Variants in COTL1 observed in about 807,000 individuals in gnomAD.
COTL1 encodes coactosin like F-actin binding protein 1, also known as coactosin-like protein.
A neutral mutation model predicts 16.5 loss-of-function variants in COTL1; 15 were observed. The ratio of observed to expected loss-of-function variants is 0.91; its 90% CI spans 0.61 to 1.40. COTL1 has a LOEUF of 1.40. Among genes scored for constraint, COTL1 ranks in the 40% most tolerant of loss-of-function variants. COTL1 has a pLI of 0.00. For missense variants in COTL1, 220 were observed against 201.5 expected, an observed-to-expected ratio of 1.09 and a Z score of -0.56; for synonymous variants, 112 against 85.3, an observed-to-expected ratio of 1.31 and a Z score of -1.73.
chr16:84,617,434 C>A, intron 2 of COTL1, 67 bp downstream of exon 2: 1 of 1,460,768 alleles, frequency 6.8e-7, no homozygotes, highest in Non-Finnish European at 9.4e-7. Flanking sequence ...TCGCTCTGGC[C>A]GGGGCTCCCC....
At chr16:84,573,977 G>C (rs1398436292) in intron 3 of COTL1, among the ~76,000 whole-genome samples, 1 of 152,004 alleles carries the variant, frequency 6.6e-6, no homozygotes, top group Non-Finnish European at 1.5e-5. Flanking sequence ...GGGAACAGTG[G>C]GACCCTTTCT....
At position 84,617,925 on chromosome 16, in the gene COTL1, C is replaced by A. The variant is rs1384731443; in HGVS notation, c.-11G>T. The A allele has an allele frequency of 3.9e-6, 6 of 1,549,036 alleles. No individual in the cohort carries two copies. The highest frequency in any genetic ancestry group is 1.4e-5 in the African/African-American group (1 of 73,016). On this transcript the variant is annotated 5_prime_UTR_variant, in exon 1 of 4. Coordinates refer to ENST00000262428, the MANE Select transcript of COTL1 (RefSeq NM_021149.5). ...GATCTTGGTGGCCATCGCCGCGGAGCCGCAGCGGGACACTGTCCGGGGCGG... is the reference window on the plus strand; with the variant it reads ...GATCTTGGTGGCCATCGCCGCGGAGACGCAGCGGGACACTGTCCGGGGCGG...
intron 2 of COTL1, among the ~76,000 whole-genome samples, chr16:84,600,690 A>G (rs1471344539): frequency 1.3e-5 from 2 of 152,130 alleles, no homozygotes; most frequent in Admixed American, 1.3e-4. Flanking sequence ...TGGAGCTCAC[A>G]CTGTAAATGC....
chr16:84,608,120 A>G (rs1567540364), intron 2 of COTL1, among the ~76,000 whole-genome samples: 2 of 151,968 alleles, frequency 1.3e-5, no homozygotes, highest in Admixed American at 6.5e-5. Flanking sequence ...TGGAATATTT[A>G]CCAAAGACCT....
At chr16:84,600,455 G>A (rs1350624836) in intron 2 of COTL1, among the ~76,000 whole-genome samples, 1 of 151,976 alleles carries the variant, frequency 6.6e-6, no homozygotes, top group East Asian at 1.9e-4. Flanking sequence ...AGGGATTACA[G>A]GCACCTGCCA....
chr16:84,592,193 T>C (rs1037222464), intron 2 of COTL1, among the ~76,000 whole-genome samples: 1 of 152,250 alleles, frequency 6.6e-6, no homozygotes, highest in Non-Finnish European at 1.5e-5. Flanking sequence ...GGGACCCCTT[T>C]TGTGTTTTCC....
chr16:84,600,294 A>G (rs1905082597), intron 2 of COTL1, among the ~76,000 whole-genome samples: 2 of 150,166 alleles, frequency 1.3e-5, no homozygotes, highest in Admixed American at 1.3e-4. Flanking sequence ...TATTCCTTAT[A>G]GGGCATGAAT....
intron 3 of COTL1, among the ~76,000 whole-genome samples, chr16:84,585,462 C>T (rs1440929812): frequency 6.6e-6 from 1 of 152,042 alleles, no homozygotes; most frequent in African/African-American, 2.4e-5. Context: ...AATGCATGTG[C>T]ATTACTTTAT....
At chr16:84,584,820 AC>A (rs1904680344) in intron 3 of COTL1, among the ~76,000 whole-genome samples, 1 of 152,150 alleles carries the variant, frequency 6.6e-6, no homozygotes, top group Non-Finnish European at 1.5e-5. Flanking sequence ...CCACAACCCT[AC>A]AAGGCAGGCA....
At chr16:84,573,879 G>A (rs1425556739) in intron 3 of COTL1, among the ~76,000 whole-genome samples, 1 of 152,082 alleles carries the variant, frequency 6.6e-6, no homozygotes, top group Non-Finnish European at 1.5e-5. Context: ...GGGAGGTGGG[G>A]CGCTGTGGCT....
intron 2 of COTL1, among the ~76,000 whole-genome samples, chr16:84,611,786 A>G (rs1251063011): frequency 6.6e-6 from 1 of 152,246 alleles, no homozygotes; most frequent in Non-Finnish European, 1.5e-5. Flanking sequence ...TATGCCACAG[A>G]GAATATGTAT....
At chr16:84,607,476 G>C (rs1905237389) in intron 2 of COTL1, among the ~76,000 whole-genome samples, 1 of 152,130 alleles carries the variant, frequency 6.6e-6, no homozygotes, top group African/African-American at 2.4e-5. Flanking sequence ...AGTGAAGTGG[G>C]GATAATTTCT....
At chr16:84,578,041 C>T (rs1904491566) in intron 3 of COTL1, among the ~76,000 whole-genome samples, 1 of 152,146 alleles carries the variant, frequency 6.6e-6, no homozygotes, top group Non-Finnish European at 1.5e-5. Context: ...AACATACTCT[C>T]CTCTCTCCGG....
At chr16:84,579,123 G>A (rs1366678000) in intron 3 of COTL1, among the ~76,000 whole-genome samples, 1 of 152,122 alleles carries the variant, frequency 6.6e-6, no homozygotes, top group Non-Finnish European at 1.5e-5. Flanking sequence ...ATACAGAGGT[G>A]TGCACACACA....
chr16:84,589,808 CA>C (rs1350245605), intron 3 of COTL1, among the ~76,000 whole-genome samples: 4 of 152,196 alleles, frequency 2.6e-5, no homozygotes, highest in East Asian at 1.9e-4. Flanking sequence ...GTCCCCCCAC[CA>C]GTTCCCGTCT....
intron 3 of COTL1, among the ~76,000 whole-genome samples, chr16:84,577,445 A>G (rs1266109096): frequency 6.6e-6 from 1 of 152,112 alleles, no homozygotes; most frequent in African/African-American, 2.4e-5. Flanking sequence ...GGGTTTCACC[A>G]TGTTGGCCAG....
chr16:84,614,088 A>G (rs1905404589), intron 2 of COTL1, among the ~76,000 whole-genome samples: 1 of 152,244 alleles, frequency 6.6e-6, no homozygotes, highest in South Asian at 2.1e-4. Context: ...GAGTTCGGGC[A>G]GTCTTTGCTG....
intron 2 of COTL1, among the ~76,000 whole-genome samples, chr16:84,601,610 C>T (rs193143319): frequency 7.0e-4 from 106 of 152,306 alleles, no homozygotes; most frequent in African/African-American, 2.4e-3. Flanking sequence ...GCACGCTCCA[C>T]CACACCCAGC....
chr16:84,566,499 G>C lies in COTL1; in HGVS notation c.*346C>G, dbSNP rs138017120. 1 of 202,074 alleles carries C rather than the reference G, an allele frequency of 4.9e-6. No homozygotes were observed. The highest frequency in any genetic ancestry group is 1.0e-5 in the Non-Finnish European group (1 of 99,226). The allele number at this position is 202,074 out of a possible 1,614,324, so 12.5% of individuals were successfully genotyped here. On this transcript the variant is annotated 3_prime_UTR_variant, in exon 4 of 4. Coordinates refer to ENST00000262428, the MANE Select transcript of COTL1 (RefSeq NM_021149.5). ...CAGATCTCACTAGGCAGACCTCGTC[G>C]CGTGGAAGAGAAATGCCAGGAAAAG... is the stretch of plus-strand genomic sequence containing the variant.
Sources: allele counts gnomAD v4.1 joint callset (sites outside exome capture counted in the v4.1 genomes callset), GRCh38; gene constraint gnomAD v4.1.1; transcripts MANE v1.5; gene names NCBI Gene and HGNC (gene_info 2026-07-23, HGNC 2026-07-21).